Variants in DYNC1LI2 observed in about 807,000 individuals in gnomAD.
DYNC1LI2 encodes cytoplasmic dynein 1 light intermediate chain 2.
In DYNC1LI2, 19 loss-of-function variants were observed where a neutral mutation model predicts 57.8. That is an observed-to-expected ratio of 0.33 (90% CI 0.23 to 0.48). DYNC1LI2 has a LOEUF of 0.48. DYNC1LI2 is among the 20% of genes least tolerant of loss of function. The probability of loss-of-function intolerance (pLI) is 0.99; values close to 1 mark genes in which losing one functional copy is unlikely to be tolerated. For missense variants in DYNC1LI2, 470 were observed against 604.2 expected (o/e 0.78, Z 2.33); for synonymous variants, 256 against 233.4 (o/e 1.10, Z -0.88).
rs2017480444 is a variant in DYNC1LI2, at chr16:66,723,325, C to T, written c.*397G>A. On this transcript the variant is annotated 3_prime_UTR_variant, in exon 13 of 13. Transcript: ENST00000258198. ...ACTTTCTGCTACTTAATCTGCTTCC[C>T]AAGAACAAGTGAATTTACTAACATG... is the stretch of plus-strand genomic sequence containing the variant. The T allele has an allele frequency of 2.2e-6, 1 of 458,738 alleles. No homozygotes were observed. Among genetic ancestry groups the T allele is most frequent in the Non-Finnish European group, 4.4e-6 (1 of 228,478 alleles). The allele number at this position is 458,738 out of a possible 1,614,324, so 28.4% of individuals were successfully genotyped here. A position where few individuals can be genotyped will look rare whatever the true frequency, so the allele number is the denominator to read the frequency against.
chr16:66,737,294 A>G (rs903887526), intron 4 of DYNC1LI2, among the ~76,000 whole-genome samples: 2 of 151,868 alleles, frequency 1.3e-5, no homozygotes, highest in African/African-American at 2.4e-5. Flanking sequence ...AAACAAAACA[A>G]AAAACAAAAA....
chr16:66,749,265 G>C lies in DYNC1LI2; in HGVS notation c.230C>G (p.Ala77Gly), dbSNP rs2017997503. The change falls in exon 3 of 13, where the codon GCT (alanine) becomes GGT (glycine). Residue 77 changes from alanine (A) to glycine (G), a missense_variant. Physicochemically the swap from Ala to Gly is moderately conservative, Grantham distance 60 (BLOSUM62 0). Coordinates refer to ENST00000258198, the MANE Select transcript of DYNC1LI2 (RefSeq NM_006141.3). ...GCCTCTTCCTTTTTTGCCATGCTCA[G>C]CTCCTTGTAGTTTAGTCATGAGGGT... ...KTTLMTKLQG[A>G]EHGKKGRGLE... The C allele has an allele frequency of 1.9e-6, 3 of 1,614,064 alleles. No homozygotes were observed. The highest frequency in any genetic ancestry group is 2.5e-6 in the Non-Finnish European group (3 of 1,180,050).
In DYNC1LI2 at chr16:66,730,106, G is replaced by T. The variant is rs141617175; in HGVS notation, c.1041+6C>A. 1.7e-5 allele frequency: 28 copies of T among 1,612,350 alleles called. No homozygotes were observed. Among genetic ancestry groups the T allele is most frequent in the Non-Finnish European group, 2.2e-5 (26 of 1,179,200 alleles). ...CTAAACCCTTAAAGCAATTGTCTTT[G>T]ACTACCTTTCTCACGGGAGGTTTCA... On this transcript the variant is annotated splice_donor_region_variant and intron_variant, in intron 8 of 12. Coordinates refer to ENST00000258198, the MANE Select transcript of DYNC1LI2 (RefSeq NM_006141.3).
chr16:66,728,956 C>A (rs2017584697), intron 9 of DYNC1LI2, 84 bp downstream of exon 9: 1 of 1,423,892 alleles, frequency 7.0e-7, no homozygotes, highest in African/African-American at 1.4e-5. Flanking sequence ...TGACTTCCCA[C>A]ATGCAGACAC....
Position 66,722,154 on chromosome 16 carries a change from ATTCAAGAAAGTC to A in DYNC1LI2, c.*1556_*1567del, listed in dbSNP as rs1283129275. The A allele has an allele frequency of 6.6e-6, 1 of 152,670 alleles. No individual in the cohort carries two copies. Among genetic ancestry groups the A allele is most frequent in the African/African-American group, 2.4e-5 (1 of 41,472 alleles). 9.5% of individuals were successfully genotyped at this position (152,670 alleles called of 1,614,324 possible). On this transcript the variant is annotated 3_prime_UTR_variant, in exon 13 of 13. Transcript: ENST00000258198. Reference sequence around the variant, plus strand: ...CAGTGTTCAGACCTTTACGAAAGCAATTCAAGAAAGTCTTCAAAGAGTCTTGACACAACATAG... The same window carrying A: ...CAGTGTTCAGACCTTTACGAAAGCAATTCAAAGAGTCTTGACACAACATAG...
At chr16:66,728,035 C>T in intron 10 of DYNC1LI2, 166 bp downstream of exon 10, 1 of 1,013,426 alleles carries the variant, frequency 9.9e-7, no homozygotes, top group South Asian at 1.7e-5. Context: ...TCATCAGAAA[C>T]TTCTTGAGTT....
intron 4 of DYNC1LI2, among the ~76,000 whole-genome samples, 177 bp downstream of exon 4, chr16:66,742,261 A>T (rs2017853407): frequency 6.6e-6 from 1 of 152,246 alleles, no homozygotes; most frequent in African/African-American, 2.4e-5. Flanking sequence ...CTTGAGTTAA[A>T]GACTGCTTTG....
At chr16:66,748,077 A>C (rs2017970124) in intron 3 of DYNC1LI2, among the ~76,000 whole-genome samples, 1 of 152,008 alleles carries the variant, frequency 6.6e-6, no homozygotes, top group African/African-American at 2.4e-5. Context: ...GCTTGAGCTC[A>C]GGAGTTCGAG....
At chr16:66,749,173 C>G (rs748704479) in intron 3 of DYNC1LI2, 24 bp downstream of exon 3, 2 of 1,611,720 alleles carry the variant, frequency 1.2e-6, no homozygotes, top group Non-Finnish European at 1.7e-6. Context: ...CACCCCCTTA[C>G]CATGGGACCA....
chr16:66,731,054 C>T (rs184822201), intron 7 of DYNC1LI2: 14 of 152,372 alleles, frequency 9.2e-5, no homozygotes, highest in Admixed American at 9.2e-4. Context: ...GTGCTCCACC[C>T]CAATATCCTT....
At chr16:66,725,131 T>C (rs1260114616) in intron 12 of DYNC1LI2, among the ~76,000 whole-genome samples, 4 of 146,830 alleles carry the variant, frequency 2.7e-5, no homozygotes, top group African/African-American at 1.0e-4. Context: ...GTTGAGATCA[T>C]GCCACTGTAC....
intron 7 of DYNC1LI2, 114 bp from the exon 8 acceptor site, chr16:66,730,337 T>C (rs762753314): frequency 1.5e-4 from 128 of 842,536 alleles, no homozygotes; most frequent in Non-Finnish European, 2.1e-4. Context: ...TAGTGTGTAG[T>C]TGTTGGGGGT....
At chr16:66,732,549 T>A in intron 6 of DYNC1LI2, 75 bp from the exon 7 acceptor site, 13 of 1,479,490 alleles carry the variant, frequency 8.8e-6, no homozygotes, top group Non-Finnish European at 1.2e-5. Context: ...CTCAAAGTAC[T>A]ACTCATAGGT....
At chr16:66,738,501 C>A (rs937198649) in intron 4 of DYNC1LI2, among the ~76,000 whole-genome samples, 1 of 152,026 alleles carries the variant, frequency 6.6e-6, no homozygotes, top group South Asian at 2.1e-4. Context: ...CCACCCACCT[C>A]AGTCTCCCAA....
intron 4 of DYNC1LI2, among the ~76,000 whole-genome samples, chr16:66,741,446 TA>T (rs1177448225): frequency 1.3e-5 from 2 of 152,216 alleles, no homozygotes; most frequent in African/African-American, 4.8e-5. Context: ...AATACAATGT[TA>T]AACTCATTGT....
intron 6 of DYNC1LI2, chr16:66,732,775 T>C (rs182924901): frequency 5.0e-4 from 114 of 225,944 alleles, no homozygotes; most frequent in African/African-American, 2.4e-3. Context: ...TGTAAATTGT[T>C]GTCTTGATCC....
intron 3 of DYNC1LI2, among the ~76,000 whole-genome samples, chr16:66,747,521 T>C (rs2017958817): frequency 6.6e-6 from 1 of 151,926 alleles, no homozygotes; most frequent in Non-Finnish European, 1.5e-5. Flanking sequence ...CGCCCATACA[T>C]CGTAATCTTT....
rs78564942 is a variant in DYNC1LI2, at chr16:66,723,962, T to G, written c.1379-140A>C. 3.7e-4 allele frequency: 263 copies of G among 712,638 alleles called. 3 individuals are homozygous for G. In the East Asian group the frequency reaches 6.8e-3, roughly 18 times the overall value. The allele number at this position is 712,638 out of a possible 1,614,324, so 44.1% of individuals were successfully genotyped here. A position where few individuals can be genotyped will look rare whatever the true frequency, so the allele number is the denominator to read the frequency against. ...TTAATAAGAATGAGGAAAGCCCTTTTCTACTGCAGTGGTGAGGAGACCCCA... is the reference window on the plus strand; with the variant it reads ...TTAATAAGAATGAGGAAAGCCCTTTGCTACTGCAGTGGTGAGGAGACCCCA... On this transcript the variant is annotated intron_variant, in intron 12 of 12. Transcript: ENST00000258198.
At chr16:66,734,387 T>C in intron 5 of DYNC1LI2, 76 bp from the exon 6 acceptor site, 1 of 1,399,772 alleles carries the variant, frequency 7.1e-7, no homozygotes, top group Non-Finnish European at 1.0e-6. Flanking sequence ...TCTTCAGAAA[T>C]AAAGTATTGT....
Sources: gnomAD v4.1 joint callset for allele counts (sites outside exome capture counted in the v4.1 genomes callset) on GRCh38, gnomAD v4.1.1 for gene constraint, MANE v1.5 for transcripts, NCBI Gene and HGNC (gene_info 2026-07-23, HGNC 2026-07-21) for gene names.